EPS15L1: variants seen among roughly 807,000 people sequenced by gnomAD.
The protein encoded by EPS15L1 is epidermal growth factor receptor pathway substrate 15 like 1.
EPS15L1 carries 43 observed loss-of-function variants against 117.1 expected under a neutral mutation model. The observed-to-expected ratio is 0.37, with a 90% CI of 0.29 to 0.47. EPS15L1 has a LOEUF of 0.47. Among genes scored for constraint, EPS15L1 ranks in the 20% least tolerant of loss-of-function variants. The pLI is 0.99. For missense variants in EPS15L1, 981 were observed against 1,164.0 expected (o/e 0.84, Z 2.29); for synonymous variants, 459 against 470.5 (o/e 0.98, Z 0.32).
chr19:16,375,580 C>T (rs2092285358), intron 22 of EPS15L1, among the ~76,000 whole-genome samples: 1 of 152,232 alleles, frequency 6.6e-6, no homozygotes, highest in African/African-American at 2.4e-5. Context: ...GAGCCACTGC[C>T]TCTGTGTAAG....
intron 13 of EPS15L1, chr19:16,413,434 C>T: frequency 5.4e-6 from 4 of 741,388 alleles, no homozygotes; most frequent in East Asian, 4.9e-5. Flanking sequence ...ATCTCTAAGA[C>T]CTACAGCTAC....
intron 6 of EPS15L1, 182 bp downstream of exon 6, chr19:16,436,755 G>A: frequency 1.9e-6 from 1 of 527,986 alleles, no homozygotes; most frequent in South Asian, 2.8e-5. Flanking sequence ...GTGTTCATTA[G>A]AAGAGGCGTT....
At chr19:16,385,698 G>A (rs893949974) in intron 20 of EPS15L1, among the ~76,000 whole-genome samples, 5 of 152,092 alleles carry the variant, frequency 3.3e-5, no homozygotes, top group Admixed American at 1.3e-4. Context: ...AGGACCAAGC[G>A]GGGCCTGTTC....
Position 16,471,953 on chromosome 19 carries a change from C to G in EPS15L1, c.-8G>C. On this transcript the variant is annotated 5_prime_UTR_variant, in exon 1 of 24. Coordinates refer to ENST00000455140, the MANE Select transcript of EPS15L1 (RefSeq NM_001258374.3). The surrounding 1 kb of genome is among the most constrained non-coding windows in gnomAD (Gnocchi z 4.8). ...GATGAGCGGCGCCGCCATCTTCCCG[C>G]GGACTCGGGCTCCGAGCGCCGGGGG... 7.8e-7 allele frequency: 1 copy of G among 1,286,572 alleles called. No homozygotes were observed. Among genetic ancestry groups the G allele is most frequent in the Non-Finnish European group, 9.8e-7 (1 of 1,017,740 alleles). 79.7% of individuals were successfully genotyped at this position (1,286,572 alleles called of 1,614,324 possible).
intron 23 of EPS15L1, 110 bp from the exon 24 acceptor site, chr19:16,355,961 C>T (rs1291957135): frequency 2.3e-6 from 3 of 1,332,882 alleles, no homozygotes; most frequent in Admixed American, 2.2e-5. Flanking sequence ...CACCGCCCAG[C>T]GGAGGGTCCG....
At chr19:16,387,324 C>A (rs185829772) in intron 19 of EPS15L1, among the ~76,000 whole-genome samples, 2 of 152,160 alleles carry the variant, frequency 1.3e-5, no homozygotes, top group Non-Finnish European at 2.9e-5. Flanking sequence ...ATTGGCCAGG[C>A]GGGCAAGGCA....
At chr19:16,445,846 C>T (rs2093077949) in intron 1 of EPS15L1, among the ~76,000 whole-genome samples, 1 of 152,166 alleles carries the variant, frequency 6.6e-6, no homozygotes, top group African/African-American at 2.4e-5. Context: ...CCAGGATGGC[C>T]GTAGGAATGG....
At chr19:16,372,437 G>C (rs1225642518) in intron 22 of EPS15L1, among the ~76,000 whole-genome samples, 1 of 152,218 alleles carries the variant, frequency 6.6e-6, no homozygotes, top group Non-Finnish European at 1.5e-5. Context: ...AGCCACACGT[G>C]ACTCAGACCC....
intron 12 of EPS15L1, among the ~76,000 whole-genome samples, chr19:16,416,228 T>G (rs554230804): frequency 1.3e-5 from 2 of 152,208 alleles, no homozygotes; most frequent in South Asian, 4.1e-4. Context: ...GTCAAAGCCC[T>G]TTCCATTTTC....
At chr19:16,364,788 G>A (rs76169076) in intron 22 of EPS15L1, among the ~76,000 whole-genome samples, 3,707 of 152,272 alleles carry the variant, frequency 0.024, 120 homozygotes, top group Admixed American at 0.085. Flanking sequence ...TCCTGAGCAG[G>A]ATGGAGGGTG....
intron 7 of EPS15L1, among the ~76,000 whole-genome samples, chr19:16,433,290 G>C (rs969434507): frequency 2.4e-4 from 37 of 151,668 alleles, no homozygotes; most frequent in Admixed American, 1.5e-3. Flanking sequence ...ACCACACCTG[G>C]CTAATTTTTG....
chr19:16,453,637 C>T (rs547379288), intron 1 of EPS15L1, among the ~76,000 whole-genome samples: 2 of 151,746 alleles, frequency 1.3e-5, no homozygotes, highest in South Asian at 2.1e-4. Context: ...GGCGTGAACC[C>T]GGGAGGCGGA....
At chr19:16,390,549 A>G (rs1231315999) in intron 19 of EPS15L1, among the ~76,000 whole-genome samples, 1 of 152,210 alleles carries the variant, frequency 6.6e-6, no homozygotes, top group East Asian at 1.9e-4. Flanking sequence ...CTAGATACAC[A>G]TTCTTCTCAA....
At chr19:16,368,938 A>G (rs1181729117) in intron 22 of EPS15L1, among the ~76,000 whole-genome samples, 1 of 152,242 alleles carries the variant, frequency 6.6e-6, no homozygotes, top group African/African-American at 2.4e-5. Flanking sequence ...ACTCCAGCAG[A>G]GCTCATCCAA....
At chr19:16,410,909 C>T (rs1275994220) in intron 13 of EPS15L1, among the ~76,000 whole-genome samples, 1 of 151,882 alleles carries the variant, frequency 6.6e-6, no homozygotes, top group Admixed American at 6.6e-5. Context: ...TGAGACACTG[C>T]CTCTTAAAAC....
At chr19:16,414,256 A>C (rs1377923689) in intron 12 of EPS15L1, among the ~76,000 whole-genome samples, 1 of 152,116 alleles carries the variant, frequency 6.6e-6, no homozygotes, top group African/African-American at 2.4e-5. Context: ...TCGGACCCCC[A>C]GCCGCAGGGA....
intron 21 of EPS15L1, among the ~76,000 whole-genome samples, chr19:16,379,726 G>A (rs1220351146): frequency 2.6e-5 from 4 of 151,332 alleles, no homozygotes; most frequent in East Asian, 2.0e-4. Context: ...AGGCTCCAGC[G>A]TCTAGTCACA....
At chr19:16,439,375 T>C (rs1261700013) in intron 4 of EPS15L1, among the ~76,000 whole-genome samples, 3 of 152,182 alleles carry the variant, frequency 2.0e-5, no homozygotes, top group Non-Finnish European at 2.9e-5. Flanking sequence ...TTATTTTCCA[T>C]AGGAATTCTC....
intron 23 of EPS15L1, among the ~76,000 whole-genome samples, chr19:16,358,525 T>C (rs1244419669): frequency 6.6e-6 from 1 of 152,198 alleles, no homozygotes; most frequent in South Asian, 2.1e-4. Flanking sequence ...GGCATTACCA[T>C]GGAACCGAGA....
Sources: gnomAD v4.1 joint callset for allele counts (sites outside exome capture counted in the v4.1 genomes callset) on GRCh38, gnomAD v4.1.1 for gene constraint, Gnocchi (gnomAD v3.1) non-coding constraint, MANE v1.5 for transcripts, NCBI Gene and HGNC (gene_info 2026-07-23, HGNC 2026-07-21) for gene names.